Variants in NECAB1 observed in about 807,000 individuals in gnomAD.
NECAB1 encodes N-terminal EF-hand calcium-binding protein 1.
In NECAB1, 29 loss-of-function variants were observed where a neutral mutation model predicts 57.5. That is an observed-to-expected ratio of 0.50 (90% confidence interval 0.38 to 0.69). The LOEUF is 0.69. Among genes scored for constraint, NECAB1 ranks in the 30% least tolerant of loss-of-function variants. NECAB1 has a pLI of 0.00. For missense variants in NECAB1, 372 were observed against 413.8 expected (o/e 0.90, Z 0.88); for synonymous variants, 142 against 147.7 (o/e 0.96, Z 0.28).
intron 7 of NECAB1, among the ~76,000 whole-genome samples, chr8:90,927,538 C>G (rs1780095821): frequency 6.6e-6 from 1 of 151,606 alleles, no homozygotes; most frequent in South Asian, 2.1e-4. Flanking sequence ...CATAACTCTT[C>G]CCTTTGCATA....
At chr8:90,807,026 A>T (rs1421125678) in intron 2 of NECAB1, among the ~76,000 whole-genome samples, 3 of 152,100 alleles carry the variant, frequency 2.0e-5, no homozygotes, top group African/African-American at 7.2e-5. Flanking sequence ...TATGTCACCT[A>T]TGTATGTATT....
rs1192827012 is a variant in NECAB1 at position 90,851,777 on chromosome 8, CATT to C, written c.234-20348_234-20346del. The stretch of plus-strand genomic sequence containing the variant: ...AACTGATGAACTTACATTGACACAT[CATT>C]ATCTCCCCAAATCCAAAGTTTACAT... On this transcript the variant is annotated intron_variant, in intron 3 of 12. Coordinates refer to ENST00000417640, the MANE Select transcript of NECAB1 (RefSeq NM_022351.5). Among the ~76,000 whole-genome samples, 4 of 152,164 alleles carry C rather than the reference CATT, an allele frequency of 2.6e-5. No individual in the cohort carries two copies. In the East Asian group the frequency reaches 7.7e-4, roughly 29 times the overall value.
At chr8:90,940,524 T>G in intron 9 of NECAB1, 1 of 374,242 alleles carries the variant, frequency 2.7e-6, no homozygotes, top group South Asian at 5.2e-5. Context: ...CTCGAGTCAT[T>G]GAGAATCACT....
At chr8:90,809,355 A>G (rs1811913198) in intron 2 of NECAB1, among the ~76,000 whole-genome samples, 2 of 152,200 alleles carry the variant, frequency 1.3e-5, no homozygotes, top group Non-Finnish European at 2.9e-5. Flanking sequence ...TTCAAAACCT[A>G]GTCACTTCTT....
chr8:90,876,712 TG>T (rs1361877491), intron 4 of NECAB1, among the ~76,000 whole-genome samples: 1 of 152,144 alleles, frequency 6.6e-6, no homozygotes, highest in African/African-American at 2.4e-5. Context: ...TGGATATCCA[TG>T]AGAATATAGC....
At chr8:90,929,978 G>A (rs1810368125) in intron 8 of NECAB1, among the ~76,000 whole-genome samples, 1 of 152,074 alleles carries the variant, frequency 6.6e-6, no homozygotes, top group Admixed American at 6.6e-5. Flanking sequence ...TAAGGAATTT[G>A]GACTTGGAAA....
Position 90,957,049 on chromosome 8 carries a change from C to G in NECAB1, c.*1537C>G, listed in dbSNP as rs1317269089. The G allele has an allele frequency of 6.6e-6, 1 of 151,180 alleles. No individual in the cohort carries two copies. The highest frequency in any genetic ancestry group is 1.5e-5 in the Non-Finnish European group (1 of 67,764). The allele number at this position is 151,180 out of a possible 1,614,324, so 9.4% of individuals were successfully genotyped here. A position where few individuals can be genotyped will look rare whatever the true frequency, so the allele number is the denominator to read the frequency against. On this transcript the variant is annotated 3_prime_UTR_variant, in exon 13 of 13. Transcript: ENST00000417640. ...CTGTGTAACAACACCTGGGTCAACTCTTTTAATTTATATACAAAGCAAAGA... is the reference window on the plus strand; with the variant it reads ...CTGTGTAACAACACCTGGGTCAACTGTTTTAATTTATATACAAAGCAAAGA...
intron 6 of NECAB1, among the ~76,000 whole-genome samples, chr8:90,925,170 T>C (rs566703492): frequency 6.6e-6 from 1 of 152,088 alleles, no homozygotes; most frequent in South Asian, 2.1e-4. Context: ...ATAGCTTTGA[T>C]CCAAAAAATT....
At chr8:90,833,468 C>T (rs185846612) in intron 3 of NECAB1, among the ~76,000 whole-genome samples, 3 of 151,744 alleles carry the variant, frequency 2.0e-5, no homozygotes, top group Admixed American at 6.6e-5. Flanking sequence ...AGGTTTGTTA[C>T]GTAGGTATAC....
intron 5 of NECAB1, among the ~76,000 whole-genome samples, chr8:90,907,141 TGTGTGTGTGTGAGAGA>T (rs1157742919): frequency 5.4e-4 from 68 of 127,096 alleles, no homozygotes; most frequent in African/African-American, 1.2e-3. Flanking sequence ...TGTGTGTGTG[TGTGTGTGTGTGAGAGA>T]GAGAGAGAGA....
At position 90,870,539 on chromosome 8, in the gene NECAB1, G is replaced by A. The variant is rs189088682; in HGVS notation, c.234-1589G>A. The stretch of plus-strand genomic sequence containing the variant: ...TTACAGTGTTTCTTTTAACCAGAAT[G>A]TGTTTCCTTTGGCTGCCTCCTCTAC... On this transcript the variant is annotated intron_variant, in intron 3 of 12. Coordinates refer to ENST00000417640, the MANE Select transcript of NECAB1 (RefSeq NM_022351.5). 9.2e-3 allele frequency among the ~76,000 whole-genome samples: 1,400 copies of A among 152,274 alleles called. 5 individuals carry two copies. Among genetic ancestry groups the A allele is most frequent in the Non-Finnish European group, 0.016 (1,059 of 68,020 alleles).
At chr8:90,843,629 A>C (rs895410867) in intron 3 of NECAB1, among the ~76,000 whole-genome samples, 1 of 152,246 alleles carries the variant, frequency 6.6e-6, no homozygotes, top group East Asian at 1.9e-4. Context: ...GATCCCAAAG[A>C]TAATTCAACA....
At chr8:90,922,485 G>GTTTTTTTTTTTTTTTT (rs1586127873) in intron 6 of NECAB1, among the ~76,000 whole-genome samples, 1 of 65,216 alleles carries the variant, frequency 1.5e-5, no homozygotes, top group Non-Finnish European at 2.5e-5. Context: ...CAAAAACTTG[G>GTTTTTTTTTTTTTTTT]ATTTTTTTTT....
chr8:90,831,587 G>A (rs1353726108), intron 3 of NECAB1, among the ~76,000 whole-genome samples: 1 of 152,010 alleles, frequency 6.6e-6, no homozygotes, highest in Non-Finnish European at 1.5e-5. Flanking sequence ...AGACTTCCTG[G>A]TCCCACTGAG....
At chr8:90,907,547 G>C (rs1326124010) in intron 5 of NECAB1, among the ~76,000 whole-genome samples, 1 of 152,134 alleles carries the variant, frequency 6.6e-6, no homozygotes, top group African/African-American at 2.4e-5. Flanking sequence ...AAAATACAAT[G>C]TATTTCACTA....
chr8:90,840,114 A>G (rs1379238907), intron 3 of NECAB1, among the ~76,000 whole-genome samples: 1 of 152,262 alleles, frequency 6.6e-6, no homozygotes, highest in Non-Finnish European at 1.5e-5. Flanking sequence ...AACAACAACA[A>G]TAATAATGGT....
At chr8:90,807,571 C>T (rs1811872522) in intron 2 of NECAB1, among the ~76,000 whole-genome samples, 1 of 152,152 alleles carries the variant, frequency 6.6e-6, no homozygotes, top group African/African-American at 2.4e-5. Flanking sequence ...GCACTGTGCT[C>T]TCCAGACCCT....
chr8:90,867,134 A>C (rs1281083778), intron 3 of NECAB1, among the ~76,000 whole-genome samples: 1 of 152,206 alleles, frequency 6.6e-6, no homozygotes, highest in Non-Finnish European at 1.5e-5. Flanking sequence ...TGAATAAAGG[A>C]ATATGTGAAG....
chr8:90,949,027 A>C (rs546845532), intron 10 of NECAB1, among the ~76,000 whole-genome samples: 1 of 152,310 alleles, frequency 6.6e-6, no homozygotes, highest in African/African-American at 2.4e-5. Context: ...AAGGACTGGA[A>C]GGAACAAATT....
Sources: gnomAD v4.1 joint callset for allele counts (sites outside exome capture counted in the v4.1 genomes callset) on GRCh38, gnomAD v4.1.1 for gene constraint, MANE v1.5 for transcripts, NCBI Gene and HGNC (gene_info 2026-07-23, HGNC 2026-07-21) for gene names.